SART1: variants seen among roughly 807,000 people sequenced by gnomAD.
SART1 encodes U4/U6.U5 tri-snRNP-associated protein 1.
Under a neutral mutation model 105.0 loss-of-function variants are expected in SART1, and 28 were observed. The ratio of observed to expected loss-of-function variants is 0.27; its 90% confidence interval spans 0.20 to 0.37. The LOEUF (loss-of-function observed/expected upper bound fraction) is 0.37, where lower values mean the gene tolerates loss of function less well. SART1 is among the 10% of genes least tolerant of loss of function. SART1 has a pLI of 1.00. For missense variants in SART1, 894 were observed against 1,106.5 expected (o/e 0.81, Z 2.72); for synonymous variants, 472 against 462.9 (o/e 1.02, Z -0.25).
intron 12 of SART1, among the ~76,000 whole-genome samples, chr11:65,974,149 T>C (rs962937358): frequency 1.6e-5 from 2 of 126,208 alleles, no homozygotes; most frequent in Admixed American, 9.4e-5. Flanking sequence ...GATCACAAGA[T>C]CAGGAGATTG....
intron 1 of SART1, among the ~76,000 whole-genome samples, chr11:65,962,641 G>A (rs1855170937): frequency 6.6e-6 from 1 of 152,206 alleles, no homozygotes; most frequent in South Asian, 2.1e-4. Flanking sequence ...AGGGAGCCAT[G>A]GATGTGAGTT....
intron 12 of SART1, among the ~76,000 whole-genome samples, chr11:65,973,986 A>T (rs1855432116): frequency 6.6e-6 from 1 of 152,054 alleles, no homozygotes; most frequent in Admixed American, 6.6e-5. Context: ...GGGAGGGGAC[A>T]CTCAAGTCTG....
Position 65,978,188 on chromosome 11 carries a change from G to C in SART1, c.2172+289G>C, listed in dbSNP as rs971925311. The C allele has an allele frequency of 1.4e-5, 7 of 517,592 alleles. No homozygotes were observed. Among genetic ancestry groups the C allele is most frequent in the African/African-American group, 1.3e-4 (7 of 52,242 alleles). The allele number at this position is 517,592 out of a possible 1,614,324, so 32.1% of individuals were successfully genotyped here. ...CCTCACCTGCGTGAGCCCTTCACTGGCTTTCCTGGCCCGCAGGGCCATTCC... is the reference window on the plus strand; with the variant it reads ...CCTCACCTGCGTGAGCCCTTCACTGCCTTTCCTGGCCCGCAGGGCCATTCC... On this transcript the variant is annotated intron_variant, in intron 17 of 19. Transcript: ENST00000312397. The surrounding 1 kb of genome is among the most constrained non-coding windows in gnomAD (Gnocchi z 6.8).
At position 65,976,203 on chromosome 11, in the gene SART1, GGGT is replaced by G. The variant is rs1344903728; in HGVS notation, c.1573-191_1573-189del. 1.3e-5 allele frequency among the ~76,000 whole-genome samples: 2 copies of G among 152,150 alleles called. No individual in the cohort carries two copies. The highest frequency in any genetic ancestry group is 4.8e-5 in the African/African-American group (2 of 41,438). ...TCAAAGGGCATCCAAACCCATTGAT[GGGT>G]TTGGAGCAGAAGAGTGACCCCAGTG... On this transcript the variant is annotated intron_variant, in intron 12 of 19. Coordinates refer to ENST00000312397, the MANE Select transcript of SART1 (RefSeq NM_005146.5). The surrounding 1 kb of genome is among the most constrained non-coding windows in gnomAD (Gnocchi z 5.1).
At chr11:65,968,385 G>T (rs1855305991) in intron 12 of SART1, among the ~76,000 whole-genome samples, 2 of 152,200 alleles carry the variant, frequency 1.3e-5, no homozygotes, top group Admixed American at 1.3e-4. Context: ...GGGCTGAGAA[G>T]GTCATTGGTG....
chr11:65,969,406 G>C (rs771071434), intron 12 of SART1, among the ~76,000 whole-genome samples: 4 of 152,172 alleles, frequency 2.6e-5, no homozygotes, highest in Non-Finnish European at 4.4e-5. Flanking sequence ...TTCTAGCCCC[G>C]TGGATCTCAG....
rs1855526474 is a variant in SART1 at position 65,978,381 on chromosome 11, C to G, written c.2173-219C>G. The G allele has an allele frequency of 6.9e-6, 4 of 583,650 alleles. No homozygotes were observed. The highest frequency in any genetic ancestry group is 1.2e-5 in the Non-Finnish European group (4 of 326,290). 36.2% of individuals were successfully genotyped at this position (583,650 alleles called of 1,614,324 possible). A position where few individuals can be genotyped will look rare whatever the true frequency, so the allele number is the denominator to read the frequency against. On this transcript the variant is annotated intron_variant, in intron 17 of 19. Coordinates refer to ENST00000312397, the MANE Select transcript of SART1 (RefSeq NM_005146.5). The surrounding 1 kb of genome is among the most constrained non-coding windows in gnomAD (Gnocchi z 6.8). ...TCTCCAGGTTCCCCATGCTCTGCCC[C>G]CATGGCAGCGCATCCACTAGCCAAG...
At chr11:65,968,319 C>T (rs959078703) in intron 12 of SART1, among the ~76,000 whole-genome samples, 1 of 152,134 alleles carries the variant, frequency 6.6e-6, no homozygotes, top group Non-Finnish European at 1.5e-5. Context: ...CCTTTCCTTG[C>T]CTCTCTCTTC....
In SART1 at chr11:65,979,082, C is replaced by T. The variant is rs1284654128; in HGVS notation, c.*52C>T. 2 of 1,611,230 alleles carry T rather than the reference C, an allele frequency of 1.2e-6. No individual in the cohort carries two copies. Among genetic ancestry groups the T allele is most frequent in the Non-Finnish European group, 1.7e-6 (2 of 1,177,672 alleles). On this transcript the variant is annotated 3_prime_UTR_variant, in exon 20 of 20. Coordinates refer to ENST00000312397, the MANE Select transcript of SART1 (RefSeq NM_005146.5). Reference sequence around the variant, plus strand: ...TCAACCTTCATATTAAATAAAGCTCCCTCCTTATTTTTTCCTCCCTGGTCG... The same window carrying T: ...TCAACCTTCATATTAAATAAAGCTCTCTCCTTATTTTTTCCTCCCTGGTCG...
At chr11:65,972,909 C>T (rs140173581) in intron 12 of SART1, among the ~76,000 whole-genome samples, 3,146 of 152,176 alleles carry the variant, frequency 0.021, 27 homozygotes, top group African/African-American at 0.024. Context: ...CGATGGCTCA[C>T]GCCTGTAATC....
At chr11:65,974,997 G>A (rs538651311) in intron 12 of SART1, among the ~76,000 whole-genome samples, 34 of 151,642 alleles carry the variant, frequency 2.2e-4, no homozygotes, top group African/African-American at 5.3e-4. Context: ...CTGAGATCGC[G>A]CCACTGCACT....
chr11:65,966,277 C>T (rs1855255050), intron 8 of SART1, 59 bp downstream of exon 8: 2 of 1,613,642 alleles, frequency 1.2e-6, no homozygotes, highest in Non-Finnish European at 1.7e-6. Context: ...GGAATGGGGG[C>T]TCTGAGGAGG....
At chr11:65,973,651 C>T (rs1305968420) in intron 12 of SART1, among the ~76,000 whole-genome samples, 1 of 152,186 alleles carries the variant, frequency 6.6e-6, no homozygotes, top group East Asian at 1.9e-4. Flanking sequence ...CCCGAGTGTG[C>T]CCATGTGCAC....
intron 12 of SART1, among the ~76,000 whole-genome samples, chr11:65,968,349 C>A (rs970035406): frequency 6.6e-6 from 1 of 152,156 alleles, no homozygotes; most frequent in Non-Finnish European, 1.5e-5. Flanking sequence ...TTGTTGAATG[C>A]CTGCTGTGAG....
Position 65,978,666 on chromosome 11 carries a change from A to G in SART1, c.2239A>G (p.Met747Val). 1 of 1,601,296 alleles carries G rather than the reference A, an allele frequency of 6.2e-7. No individual in the cohort carries two copies. Residue 747 changes from methionine (M) to valine (V), a missense_variant, in exon 18 of 20, where the codon ATG becomes GTG. Coordinates refer to ENST00000312397, the MANE Select transcript of SART1 (RefSeq NM_005146.5). This position sits in a 1 kb window ranked among gnomAD's most constrained non-coding sequence, Gnocchi z 6.8. ...GSGKMKTERR[M>V]KKLDEEALLK... Reference sequence around the variant, plus strand: ...AGGCAAGATGAAGACAGAGCGGCGGATGAAGAAGCTGGACGAGGAGGCGGT... The same window carrying G: ...AGGCAAGATGAAGACAGAGCGGCGGGTGAAGAAGCTGGACGAGGAGGCGGT...
At chr11:65,972,421 C>T (rs1855396874) in intron 12 of SART1, among the ~76,000 whole-genome samples, 1 of 152,126 alleles carries the variant, frequency 6.6e-6, no homozygotes, top group South Asian at 2.1e-4. Flanking sequence ...AGATTAAGAA[C>T]TTCAAAGTAA....
rs534570282 is a variant in SART1, at chr11:65,964,126, G to A, written c.366G>A (p.Glu122=). The change falls in exon 2 of 20, where the codon GAG becomes GAA. Residue 122 remains glutamate (E), a synonymous_variant. Coordinates refer to ENST00000312397, the MANE Select transcript of SART1 (RefSeq NM_005146.5). ...SGDASSLSIE[E]TNKLRAKLGL... ...ATGCCTCCTCACTCAGCATCGAGGA[G>A]ACTAAGTGAGTACTGTCTCCCTTGT... The A allele has an allele frequency of 6.8e-6, 11 of 1,612,940 alleles. No homozygotes were observed. The South Asian group carries it at 1.1e-4, about 16-fold the overall frequency.
In SART1 at chr11:65,978,053, C is replaced by A; in HGVS notation, c.2172+154C>A. The A allele has an allele frequency of 1.3e-6, 1 of 772,000 alleles. No individual in the cohort carries two copies. The highest frequency in any genetic ancestry group is 2.1e-6 in the Non-Finnish European group (1 of 487,010). The allele number at this position is 772,000 out of a possible 1,614,324, so 47.8% of individuals were successfully genotyped here. A position where few individuals can be genotyped will look rare whatever the true frequency, so the allele number is the denominator to read the frequency against. On this transcript the variant is annotated intron_variant, in intron 17 of 19. Transcript: ENST00000312397. This position sits in a 1 kb window ranked among gnomAD's most constrained non-coding sequence, Gnocchi z 6.8. ...TGAATGCCACGGATGGGGAGGGGGC[C>A]CTCAGGGCTGAGGAAGGCTGTGCCT... is the stretch of plus-strand genomic sequence containing the variant.
In SART1 at chr11:65,965,408, C is replaced by T. The variant is rs1265927117; in HGVS notation, c.621C>T (p.Ser207=). 1.3e-6 allele frequency: 2 copies of T among 1,569,682 alleles called. No homozygotes were observed. Among genetic ancestry groups the T allele is most frequent in the Non-Finnish European group, 1.7e-6 (2 of 1,157,606 alleles). Residue 207 remains serine, a synonymous_variant, in exon 5 of 20, where the codon AGC becomes AGT. Transcript: ENST00000312397. The part of the protein sequence containing the change: ...LDDTAAWIER[S]RQLQKEKDLA... ...ACACTGCAGCCTGGATCGAGAGGAG[C>T]CGGCAGCTGCAGAAGGAGAAGGACC... is the stretch of plus-strand genomic sequence containing the variant.
Sources: allele counts gnomAD v4.1 joint callset (sites outside exome capture counted in the v4.1 genomes callset), GRCh38; gene constraint gnomAD v4.1.1; non-coding constraint Gnocchi (gnomAD v3.1); transcripts MANE v1.5; gene names NCBI Gene and HGNC (gene_info 2026-07-23, HGNC 2026-07-21).